The following PEAK1 variants were observed in gnomAD, a reference collection of about 807,000 sequenced individuals.
PEAK1 encodes inactive tyrosine-protein kinase PEAK1.
PEAK1 carries 54 observed loss-of-function variants against 124.7 expected under a neutral mutation model. The ratio of observed to expected loss-of-function variants is 0.43; its 90% CI spans 0.35 to 0.54. The LOEUF (loss-of-function observed/expected upper bound fraction) is 0.54. PEAK1 is among the 20% of genes least tolerant of loss of function. The probability of loss-of-function intolerance (pLI) is 0.01; values close to 1 mark genes in which losing one functional copy is unlikely to be tolerated. For missense variants in PEAK1, 2,046 were observed against 2,134.5 expected (o/e 0.96, Z 0.82); for synonymous variants, 719 against 760.0 (o/e 0.95, Z 0.89).
chr15:77,167,199 T>C (rs954145048), intron 7 of PEAK1, among the ~76,000 whole-genome samples: 27 of 152,142 alleles, frequency 1.8e-4, no homozygotes, highest in African/African-American at 5.6e-4. Context: ...ATAAAATAAT[T>C]TGAATAGTCA....
chr15:77,140,153 C>T (rs906388787), intron 8 of PEAK1, among the ~76,000 whole-genome samples: 1 of 152,168 alleles, frequency 6.6e-6, no homozygotes, highest in African/African-American at 2.4e-5. Context: ...CTGATGAATT[C>T]TACCAAATGT....
intron 2 of PEAK1, among the ~76,000 whole-genome samples, chr15:77,328,453 T>G (rs1226420191): frequency 6.6e-6 from 1 of 152,140 alleles, no homozygotes; most frequent in Non-Finnish European, 1.5e-5. Context: ...ATAAATTACC[T>G]TAAACTGTAA....
intron 6 of PEAK1, among the ~76,000 whole-genome samples, chr15:77,206,583 A>G (rs1446499936): frequency 2.6e-5 from 4 of 151,708 alleles, no homozygotes; most frequent in African/African-American, 9.7e-5. Context: ...GCCAGTGATG[A>G]TGAGCATTTT....
chr15:77,334,615 A>G, intron 2 of PEAK1: 5 of 985,268 alleles, frequency 5.1e-6, no homozygotes, highest in Non-Finnish European at 6.0e-6. Context: ...ACAATTACGA[A>G]AAGTCCAGCA....
chr15:77,350,131 A>G, intron 2 of PEAK1: 1 of 985,446 alleles, frequency 1.0e-6, no homozygotes, highest in Non-Finnish European at 1.2e-6. Context: ...AGCCACTTCG[A>G]AAGATGTGAA....
intron 2 of PEAK1, among the ~76,000 whole-genome samples, chr15:77,298,311 C>T (rs1181374287): frequency 7.1e-6 from 1 of 140,560 alleles, no homozygotes. Flanking sequence ...CTCCGCCTCC[C>T]GGATTCATGC....
chr15:77,328,176 T>A (rs2065690016), intron 2 of PEAK1, among the ~76,000 whole-genome samples: 1 of 152,206 alleles, frequency 6.6e-6, no homozygotes. Flanking sequence ...TTTCCTGATA[T>A]GATCCTCAAT....
chr15:77,236,142 T>C (rs1279156580), intron 6 of PEAK1, among the ~76,000 whole-genome samples: 1 of 152,226 alleles, frequency 6.6e-6, no homozygotes, highest in Non-Finnish European at 1.5e-5. Flanking sequence ...GGGCACTACT[T>C]AGTGGAGCTG....
chr15:77,276,795 C>T (rs1478748596), intron 5 of PEAK1, among the ~76,000 whole-genome samples: 1 of 151,640 alleles, frequency 6.6e-6, no homozygotes, highest in African/African-American at 2.4e-5. Context: ...AAAATAAAAC[C>T]ATTAATACAC....
intron 6 of PEAK1, among the ~76,000 whole-genome samples, chr15:77,197,476 CT>C (rs1237219688): frequency 2.0e-5 from 3 of 152,088 alleles, no homozygotes; most frequent in Non-Finnish European, 4.4e-5. Context: ...ATTAAATAAT[CT>C]TTTGAAAGTT....
chr15:77,371,383 A>T (rs2068630344), intron 1 of PEAK1: 1 of 937,120 alleles, frequency 1.1e-6, no homozygotes, highest in African/African-American at 1.8e-5. Context: ...ATTAATTGAA[A>T]GTGTTGTAAA....
intron 2 of PEAK1, among the ~76,000 whole-genome samples, chr15:77,355,342 A>C (rs2067453425): frequency 6.6e-6 from 1 of 152,246 alleles, no homozygotes; most frequent in Non-Finnish European, 1.5e-5. Context: ...ATACATACTT[A>C]TTATAAGTAA....
intron 7 of PEAK1, among the ~76,000 whole-genome samples, chr15:77,176,916 G>A (rs1182189456): frequency 6.6e-6 from 1 of 152,126 alleles, no homozygotes; most frequent in Non-Finnish European, 1.5e-5. Context: ...CCAACCATTT[G>A]CTGTTTAAGC....
chr15:77,417,314 T>C, intron 1 of PEAK1: 1 of 973,480 alleles, frequency 1.0e-6, no homozygotes, highest in South Asian at 4.8e-5. Context: ...GTCAAACAAA[T>C]GTAAACTATC....
chr15:77,334,734 T>C, intron 2 of PEAK1: 1 of 985,000 alleles, frequency 1.0e-6, no homozygotes, highest in Non-Finnish European at 1.2e-6. Context: ...ATTCTTGCTG[T>C]TTGTACAATA....
rs74248527 is a variant in PEAK1, at chr15:77,340,459, G to A, written c.-603+24704C>T. Reference sequence around the variant, plus strand: ...GATGAGTAATTGCCAAGGGTTCAGCGGCGAGGAAGGAGGAATGAATGAATG... The same window carrying A: ...GATGAGTAATTGCCAAGGGTTCAGCAGCGAGGAAGGAGGAATGAATGAATG... On this transcript the variant is annotated intron_variant, in intron 2 of 9. Transcript: ENST00000682557. Among the ~76,000 whole-genome samples, 45 of 152,216 alleles carry A rather than the reference G, an allele frequency of 3.0e-4. No individual in the cohort carries two copies. The East Asian group carries it at 6.8e-3, about 23-fold the overall frequency.
At chr15:77,239,786 TG>T in intron 6 of PEAK1, 1 of 946,552 alleles carries the variant, frequency 1.1e-6, no homozygotes. Context: ...ACATACCTCC[TG>T]GGCTCTTTTA....
intron 2 of PEAK1, among the ~76,000 whole-genome samples, chr15:77,310,933 T>C (rs1218617918): frequency 6.6e-6 from 1 of 152,090 alleles, no homozygotes; most frequent in African/African-American, 2.4e-5. Context: ...AGTAAGTAGA[T>C]AGGAACAAAT....
At chr15:77,327,321 A>G (rs1226538815) in intron 2 of PEAK1, among the ~76,000 whole-genome samples, 1 of 151,946 alleles carries the variant, frequency 6.6e-6, no homozygotes, top group Non-Finnish European at 1.5e-5. Flanking sequence ...AAAGTAAATC[A>G]TTGTTGGGGC....
Sources: allele counts gnomAD v4.1 joint callset (sites outside exome capture counted in the v4.1 genomes callset), GRCh38; gene constraint gnomAD v4.1.1; transcripts MANE v1.5; gene names NCBI Gene and HGNC (gene_info 2026-07-23, HGNC 2026-07-21).